Variants in TMEM132B observed in about 807,000 individuals in gnomAD.
TMEM132B encodes the protein transmembrane protein 132B.
TMEM132B carries 18 observed loss-of-function variants against 90.8 expected under a neutral mutation model. The observed-to-expected ratio is 0.20, with a 90% CI of 0.14 to 0.29. The LOEUF (loss-of-function observed/expected upper bound fraction) is 0.29. Among genes scored for constraint, TMEM132B ranks in the 10% least tolerant of loss-of-function variants. The pLI, the probability that TMEM132B is intolerant of heterozygous loss-of-function variation, is 1.00. For synonymous variants in TMEM132B, 504 were observed against 523.3 expected (o/e 0.96, Z 0.50); for missense variants, 1,096 against 1,326.8 (o/e 0.83, Z 2.70).
At chr12:125,504,402 G>A (rs1882778568) in intron 3 of TMEM132B, among the ~76,000 whole-genome samples, 1 of 152,054 alleles carries the variant, frequency 6.6e-6, no homozygotes, top group Admixed American at 6.5e-5. Context: ...TGCTCTGGTG[G>A]TGTTGAAATA....
rs1402566077 is a variant in TMEM132B, at chr12:125,415,121, ATCT to A, written c.960-406_960-404del. On this transcript the variant is annotated intron_variant, in intron 2 of 8. Coordinates refer to ENST00000682704, the MANE Select transcript of TMEM132B (RefSeq NM_001366854.1). The surrounding 1 kb of genome is among the most constrained non-coding windows in gnomAD (Gnocchi z 5.3). ...CCTCTTCCATCCCCTGGGCTGTGTG[ATCT>A]TCTGGCCTTGCACAACCCACCCCGC... 6.6e-6 allele frequency among the ~76,000 whole-genome samples: 1 copy of A among 151,952 alleles called. No individual in the cohort carries two copies. The highest frequency in any genetic ancestry group is 1.5e-5 in the Non-Finnish European group (1 of 67,996).
At chr12:125,382,426 A>G (rs1181410516) in intron 2 of TMEM132B, among the ~76,000 whole-genome samples, 2 of 152,214 alleles carry the variant, frequency 1.3e-5, no homozygotes, top group Admixed American at 6.5e-5. Flanking sequence ...AAGAAGGCAT[A>G]TTCTTACTGC....
In TMEM132B at chr12:125,493,000, G is replaced by A. The variant is rs1882396255; in HGVS notation, c.1107-26439G>A. Among the ~76,000 whole-genome samples the A allele has an allele frequency of 6.6e-6, 1 of 152,198 alleles. No homozygotes were observed. The highest frequency in any genetic ancestry group is 1.5e-5 in the Non-Finnish European group (1 of 68,022). ...GAAAGGGAGGTGGCACTCCATATCA[G>A]GACTAGTGGAGTTACGGAGTTCCAC... On this transcript the variant is annotated intron_variant, in intron 3 of 8. Coordinates refer to ENST00000682704, the MANE Select transcript of TMEM132B (RefSeq NM_001366854.1). The surrounding 1 kb of genome is among the most constrained non-coding windows in gnomAD (Gnocchi z 5.8).
At chr12:125,544,898 G>A (rs900807974) in intron 4 of TMEM132B, among the ~76,000 whole-genome samples, 2 of 151,864 alleles carry the variant, frequency 1.3e-5, no homozygotes, top group African/African-American at 4.8e-5. Context: ...ATATCTAGCA[G>A]TATTCTTGTA....
At chr12:125,218,299 A>T (rs140383163) in intron 1 of TMEM132B, among the ~76,000 whole-genome samples, 7 of 152,218 alleles carry the variant, frequency 4.6e-5, no homozygotes, top group Admixed American at 3.3e-4. Context: ...TAATAAAAAT[A>T]TTTTAAAAGA....
intron 3 of TMEM132B, among the ~76,000 whole-genome samples, chr12:125,446,857 A>T (rs1455099424): frequency 1.3e-5 from 2 of 152,236 alleles, no homozygotes; most frequent in East Asian, 3.9e-4. Flanking sequence ...AGCAACCATG[A>T]AAGGACCAGA....
At chr12:125,513,960 G>C (rs1883044134) in intron 3 of TMEM132B, among the ~76,000 whole-genome samples, 1 of 152,084 alleles carries the variant, frequency 6.6e-6, no homozygotes, top group Non-Finnish European at 1.5e-5. Context: ...ATGAATCTCA[G>C]TGCCCAGCAC....
intron 5 of TMEM132B, among the ~76,000 whole-genome samples, chr12:125,609,647 C>T (rs1161462588): frequency 6.6e-6 from 1 of 151,528 alleles, no homozygotes; most frequent in Non-Finnish European, 1.5e-5. Flanking sequence ...AACCCTGTCT[C>T]TACTAAAAAA....
chr12:125,423,362 G>A (rs445156), intron 3 of TMEM132B, among the ~76,000 whole-genome samples: 147,154 of 152,232 alleles, frequency 0.97, 71,326 homozygotes, highest in East Asian at 1. Flanking sequence ...GAAATGCGTC[G>A]TGCACAGGGC....
intron 3 of TMEM132B, among the ~76,000 whole-genome samples, chr12:125,472,071 A>G (rs1881739430): frequency 6.6e-6 from 1 of 152,338 alleles, no homozygotes; most frequent in Non-Finnish European, 1.5e-5. Context: ...CTATTCCAAC[A>G]TCCTAGCCTC....
In TMEM132B at chr12:125,658,317, T is replaced by G. The variant is rs1474699803; in HGVS notation, c.*3607T>G. On this transcript the variant is annotated 3_prime_UTR_variant, in exon 9 of 9. Coordinates refer to ENST00000682704, the MANE Select transcript of TMEM132B (RefSeq NM_001366854.1). ...TTTTGGTAGCATTCTTGTTTCATTATTTTAGAAAGGGGTCTTCCCATTACT... is the reference window on the plus strand; with the variant it reads ...TTTTGGTAGCATTCTTGTTTCATTAGTTTAGAAAGGGGTCTTCCCATTACT... 6.6e-6 allele frequency: 1 copy of G among 152,264 alleles called. No individual in the cohort carries two copies. The highest frequency in any genetic ancestry group is 2.4e-5 in the African/African-American group (1 of 41,472). The allele number at this position is 152,264 out of a possible 1,614,324, so 9.4% of individuals were successfully genotyped here.
rs1445473963 is a variant in TMEM132B at position 125,660,979 on chromosome 12, T to C, written c.*6269T>C. 2 of 152,256 alleles carry C rather than the reference T, an allele frequency of 1.3e-5. No individual in the cohort carries two copies. The highest frequency in any genetic ancestry group is 2.9e-5 in the Non-Finnish European group (2 of 68,062). The allele number at this position is 152,256 out of a possible 1,614,324, so 9.4% of individuals were successfully genotyped here. A position where few individuals can be genotyped will look rare whatever the true frequency, so the allele number is the denominator to read the frequency against. ...GGGGTCTATGTAATGCTGATTTTTT[T>C]CAAACCTGTTTGGAAATATTACTTC... On this transcript the variant is annotated 3_prime_UTR_variant, in exon 9 of 9. Coordinates refer to ENST00000682704, the MANE Select transcript of TMEM132B (RefSeq NM_001366854.1).
intron 2 of TMEM132B, among the ~76,000 whole-genome samples, chr12:125,368,317 T>A (rs2136265163): frequency 6.6e-6 from 1 of 152,312 alleles, no homozygotes; most frequent in East Asian, 1.9e-4. Flanking sequence ...TGTTGCATCC[T>A]ATGAGGTTGT....
Position 125,432,413 on chromosome 12 carries a change from ATATATATATGTATGTG to A in TMEM132B, c.1106+16812_1106+16827del, listed in dbSNP as rs1201709151. Among the ~76,000 whole-genome samples the A allele has an allele frequency of 5.0e-4, 34 of 67,512 alleles. 2 individuals carry two copies. Among genetic ancestry groups the A allele is most frequent in the East Asian group, 2.6e-3 (3 of 1,154 alleles). The allele number at this position is 67,512 out of a possible 152,430, so 44.3% of individuals were successfully genotyped here. On this transcript the variant is annotated intron_variant, in intron 3 of 8. Transcript: ENST00000682704. ...TATATATATATGTATGTATGTGTATATATATATATGTATGTGTATATATATGTATGTGTATATATAT... is the reference window on the plus strand; with the variant it reads ...TATATATATATGTATGTATGTGTATATATATATATGTATGTGTATATATAT...
chr12:125,557,926 C>T (rs1366794090), intron 4 of TMEM132B, among the ~76,000 whole-genome samples: 1 of 152,056 alleles, frequency 6.6e-6, no homozygotes, highest in Non-Finnish European at 1.5e-5. Context: ...AGAAGGATTA[C>T]TGGAAAGGGG....
intron 4 of TMEM132B, among the ~76,000 whole-genome samples, chr12:125,582,405 G>A (rs1885074333): frequency 6.6e-6 from 1 of 152,088 alleles, no homozygotes; most frequent in East Asian, 1.9e-4. Flanking sequence ...TAGTGCCTGA[G>A]CTAAGGTTAG....
chr12:125,255,375 C>G (rs1175726941), intron 1 of TMEM132B, among the ~76,000 whole-genome samples: 1 of 152,144 alleles, frequency 6.6e-6, no homozygotes, highest in Non-Finnish European at 1.5e-5. Flanking sequence ...GCCACAGTTG[C>G]CCACGGGGGC....
In TMEM132B at chr12:125,422,330, G is replaced by A. The variant is rs540578651; in HGVS notation, c.1106+6653G>A. Reference sequence around the variant, plus strand: ...CGACTTTAGAGTCCATGCTTAAACTGCCATCCTGGGCTCCTCAGAAGGCAT... The same window carrying A: ...CGACTTTAGAGTCCATGCTTAAACTACCATCCTGGGCTCCTCAGAAGGCAT... On this transcript the variant is annotated intron_variant, in intron 3 of 8. Transcript: ENST00000682704. Among the ~76,000 whole-genome samples the A allele has an allele frequency of 7.9e-5, 12 of 152,340 alleles. No individual in the cohort carries two copies. In the South Asian group the frequency reaches 2.5e-3, roughly 32 times the overall value.
At chr12:125,518,057 A>C (rs1883212337) in intron 3 of TMEM132B, among the ~76,000 whole-genome samples, 1 of 152,220 alleles carries the variant, frequency 6.6e-6, no homozygotes, top group Admixed American at 6.5e-5. Context: ...GCTAAATAGG[A>C]AAAAGGTTGC....
Sources: gnomAD v4.1 joint callset for allele counts (sites outside exome capture counted in the v4.1 genomes callset) on GRCh38, gnomAD v4.1.1 for gene constraint, Gnocchi (gnomAD v3.1) non-coding constraint, MANE v1.5 for transcripts, NCBI Gene and HGNC (gene_info 2026-07-23, HGNC 2026-07-21) for gene names.